CNTNAP2: variants seen among roughly 807,000 people sequenced by gnomAD.
The protein encoded by CNTNAP2 is contactin associated protein 2.
CNTNAP2 carries 98 observed loss-of-function variants against 155.2 expected under a neutral mutation model. That is an observed-to-expected ratio of 0.63 (90% CI 0.54 to 0.75). CNTNAP2 has a LOEUF of 0.75. Ranked by LOEUF, CNTNAP2 falls within the 30% of genes least tolerant of loss-of-function variation. The pLI is 0.00. For missense variants in CNTNAP2, 1,727 were observed against 1,688.1 expected (o/e 1.02, Z -0.40); for synonymous variants, 651 against 631.2 (o/e 1.03, Z -0.47).
Position 146,720,234 on chromosome 7 carries a change from T to C in CNTNAP2, c.98-54037T>C, listed in dbSNP as rs13231376. Among the ~76,000 whole-genome samples the C allele has an allele frequency of 3.0e-3, 456 of 152,272 alleles. 3 individuals carry two copies. Among genetic ancestry groups the C allele is most frequent in the Non-Finnish European group, 5.4e-3 (369 of 68,012 alleles). ...TTCTGGTTTTAGTAGTTCTTATCCC[T>C]ATTGTCTACTCCAAAATGCTGTCAG... On this transcript the variant is annotated intron_variant, in intron 1 of 23. Transcript: ENST00000361727.
chr7:147,515,067 C>T (rs890152762), intron 11 of CNTNAP2, among the ~76,000 whole-genome samples: 1 of 152,070 alleles, frequency 6.6e-6, no homozygotes, highest in Non-Finnish European at 1.5e-5. Flanking sequence ...CAGTTGCTCA[C>T]ACATTTTAAT....
At chr7:148,408,917 C>T (rs1311483671) in intron 22 of CNTNAP2, among the ~76,000 whole-genome samples, 1 of 152,120 alleles carries the variant, frequency 6.6e-6, no homozygotes, top group African/African-American at 2.4e-5. Flanking sequence ...GTGCCAGTGT[C>T]TTATTACAGC....
Position 146,774,431 on chromosome 7 carries a change from T to C in CNTNAP2, c.208+50T>C, listed in dbSNP as rs780155429. The C allele has an allele frequency of 8.5e-6, 11 of 1,290,960 alleles. No homozygotes were observed. In the Admixed American group the frequency reaches 1.1e-4, roughly 13 times the overall value. The allele number at this position is 1,290,960 out of a possible 1,614,324, so 80.0% of individuals were successfully genotyped here. On this transcript the variant is annotated intron_variant, in intron 2 of 23. Coordinates refer to ENST00000361727, the MANE Select transcript of CNTNAP2 (RefSeq NM_014141.6). ...TCAATAAACATGTTAAATAAGAACA[T>C]GTTATATTTATAGCCATATATATAT...
At chr7:147,522,827 A>C (rs377344874) in intron 11 of CNTNAP2, among the ~76,000 whole-genome samples, 37 of 152,038 alleles carry the variant, frequency 2.4e-4, no homozygotes, top group African/African-American at 8.2e-4. Flanking sequence ...AGTTTATTGA[A>C]GACAAGAAAA....
intron 1 of CNTNAP2, among the ~76,000 whole-genome samples, chr7:146,476,933 G>A (rs887651954): frequency 6.6e-6 from 1 of 151,982 alleles, no homozygotes; most frequent in Non-Finnish European, 1.5e-5. Context: ...TTTAAACAAA[G>A]GTAGAGAATA....
intron 1 of CNTNAP2, among the ~76,000 whole-genome samples, chr7:146,198,138 G>T (rs1341565135): frequency 6.6e-6 from 1 of 152,092 alleles, no homozygotes; most frequent in East Asian, 1.9e-4. Flanking sequence ...TGACAATTCG[G>T]ATTATAACTT....
intron 15 of CNTNAP2, among the ~76,000 whole-genome samples, chr7:147,982,930 A>C (rs551066611): frequency 4.7e-5 from 7 of 150,168 alleles, no homozygotes; most frequent in Non-Finnish European, 8.8e-5. Context: ...AGGCAGGAGA[A>C]TCATTTGAAT....
intron 1 of CNTNAP2, among the ~76,000 whole-genome samples, chr7:146,643,547 G>A (rs999835322): frequency 2.3e-4 from 35 of 151,952 alleles, no homozygotes; most frequent in Non-Finnish European, 4.4e-4. Context: ...GTACCATGCT[G>A]TTTTGGTTAC....
chr7:148,052,354 C>G (rs763132652), intron 15 of CNTNAP2, among the ~76,000 whole-genome samples: 29 of 114,738 alleles, frequency 2.5e-4, no homozygotes, highest in Non-Finnish European at 4.3e-4. Flanking sequence ...GATGAACAAC[C>G]AGGTGATGGA....
intron 15 of CNTNAP2, among the ~76,000 whole-genome samples, chr7:148,048,110 G>C (rs908563099): frequency 2.0e-5 from 3 of 149,876 alleles, no homozygotes; most frequent in Non-Finnish European, 3.0e-5. Context: ...TTTTTTAGTA[G>C]AGACGGGGTT....
At chr7:146,501,862 G>A (rs1176943688) in intron 1 of CNTNAP2, among the ~76,000 whole-genome samples, 1 of 152,068 alleles carries the variant, frequency 6.6e-6, no homozygotes, top group Non-Finnish European at 1.5e-5. Context: ...AAGGGTAGAA[G>A]GGAAGGCCAT....
At chr7:147,327,483 T>C (rs1421483687) in intron 9 of CNTNAP2, among the ~76,000 whole-genome samples, 1 of 152,204 alleles carries the variant, frequency 6.6e-6, no homozygotes, top group African/African-American at 2.4e-5. Flanking sequence ...CAATCACTGC[T>C]TTTGATATTC....
chr7:147,637,583 A>G (rs189737092), intron 12 of CNTNAP2, among the ~76,000 whole-genome samples: 1 of 152,070 alleles, frequency 6.6e-6, no homozygotes, highest in Non-Finnish European at 1.5e-5. Flanking sequence ...TTTGCAATTT[A>G]TCAGTTGATA....
intron 3 of CNTNAP2, among the ~76,000 whole-genome samples, chr7:146,991,721 T>C (rs1032107467): frequency 6.6e-6 from 1 of 152,054 alleles, no homozygotes; most frequent in African/African-American, 2.4e-5. Context: ...GTGGAAACAA[T>C]TGGGCACATA....
chr7:147,821,902 T>C (rs1798368082), intron 13 of CNTNAP2, among the ~76,000 whole-genome samples: 1 of 152,078 alleles, frequency 6.6e-6, no homozygotes, highest in African/African-American at 2.4e-5. Flanking sequence ...TGATCAAGAT[T>C]AAAAAACAAA....
At chr7:148,020,212 C>A (rs1226631573) in intron 15 of CNTNAP2, among the ~76,000 whole-genome samples, 2 of 152,206 alleles carry the variant, frequency 1.3e-5, no homozygotes, top group Non-Finnish European at 2.9e-5. Context: ...GATTACACAC[C>A]TTTTGGAGGC....
chr7:147,601,644 A>AAAAAAATAT (rs1299075338), intron 12 of CNTNAP2, among the ~76,000 whole-genome samples: 7 of 87,468 alleles, frequency 8.0e-5, no homozygotes, highest in African/African-American at 2.6e-4. Flanking sequence ...CTTAAAAAAA[A>AAAAAAATAT]ATATATATAT....
chr7:146,743,891 T>A (rs186977499), intron 1 of CNTNAP2, among the ~76,000 whole-genome samples: 181 of 152,062 alleles, frequency 1.2e-3, no homozygotes, highest in African/African-American at 4.1e-3. Flanking sequence ...AGGAAAAAAA[T>A]TTCTTATTTA....
intron 8 of CNTNAP2, among the ~76,000 whole-genome samples, chr7:147,150,124 G>C (rs367799675): frequency 1.7e-4 from 26 of 152,186 alleles, no homozygotes; most frequent in African/African-American, 6.0e-4. Context: ...GTCAGTTAGG[G>C]ATGTGAGTCT....
Sources: gnomAD v4.1 joint callset for allele counts (sites outside exome capture counted in the v4.1 genomes callset) on GRCh38, gnomAD v4.1.1 for gene constraint, MANE v1.5 for transcripts, NCBI Gene and HGNC (gene_info 2026-07-23, HGNC 2026-07-21) for gene names.